Variants in NHSL2 observed in about 807,000 individuals in gnomAD.
NHSL2 encodes the protein NHS-like protein 2.
A neutral mutation model predicts 53.4 loss-of-function variants in NHSL2; 27 were observed. That is an observed-to-expected ratio of 0.51 (90% CI 0.37 to 0.70). The LOEUF (loss-of-function observed/expected upper bound fraction) is 0.70. Among genes scored for constraint, NHSL2 ranks in the 30% least tolerant of loss-of-function variants. NHSL2 has a pLI of 0.00. For missense variants in NHSL2, 892 were observed against 980.1 expected (o/e 0.91, Z 1.20); for synonymous variants, 408 against 404.1 (o/e 1.01, Z -0.12).
chrX:72,141,719 AC>A (rs1372735081), intron 6 of NHSL2, among the ~76,000 whole-genome samples: 2 of 112,103 alleles, frequency 1.8e-5, no homozygotes, highest in Admixed American at 9.4e-5. Context: ...TCTTTTCTGA[AC>A]CCTTAACACC....
Position 72,150,565 on chromosome X carries a change from A to T in NHSL2, c.*6991A>T, listed in dbSNP as rs1471844981. The T allele has an allele frequency of 8.9e-6, 1 of 112,213 alleles. No homozygotes were observed. Among genetic ancestry groups the T allele is most frequent in the African/African-American group, 3.2e-5 (1 of 30,892 alleles). 9.2% of individuals were successfully genotyped at this position (112,213 alleles called of 1,213,427 possible). A position where few individuals can be genotyped will look rare whatever the true frequency, so the allele number is the denominator to read the frequency against. ...TGGGCTCAAATTCCAGCTCCATCTT[A>T]TCAAACAATAACAGAATTCCCTAAT... On this transcript the variant is annotated 3_prime_UTR_variant, in exon 8 of 8. Transcript: ENST00000633930.
At chrX:71,993,314 TATC>T (rs922084236) in intron 1 of NHSL2, among the ~76,000 whole-genome samples, 3 of 112,383 alleles carry the variant, frequency 2.7e-5, no homozygotes, top group African/African-American at 9.7e-5. Flanking sequence ...CGAAAGGCCT[TATC>T]ATCACACAGT....
At chrX:72,124,115 G>A (rs938077362) in intron 1 of NHSL2, among the ~76,000 whole-genome samples, 7 of 110,565 alleles carry the variant, frequency 6.3e-5, no homozygotes, top group African/African-American at 1.7e-4. Context: ...AGTGCTGGCC[G>A]GAGGTGGAGC....
In NHSL2 at chrX:72,139,361, T is replaced by G. The variant is rs140023607; in HGVS notation, c.1813T>G (p.Leu605Val). The change falls in exon 6 of 8, where the codon TTG becomes GTG. Residue 605 changes from leucine (L) to valine (V), a missense_variant. Physicochemically the swap from Leu to Val is conservative, Grantham distance 32. Coordinates refer to ENST00000633930, the MANE Select transcript of NHSL2 (RefSeq NM_001013627.3). ...GAGGCCCAAGAGCCTTTGCCTCTCC[T>G]TGGAACATCAAGGACATCACTCGTC... Reference protein sequence around the residue: ...DQRPKSLCLSLEHQGHHSSHP... With the variant: ...DQRPKSLCLSVEHQGHHSSHP... 85 of 1,208,797 alleles carry G rather than the reference T, an allele frequency of 7.0e-5. No individual in the cohort carries two copies. In the African/African-American group the frequency reaches 1.3e-3, roughly 19 times the overall value.
chrX:71,973,252 GCA>G, intron 1 of NHSL2, among the ~76,000 whole-genome samples: 1 of 112,473 alleles, frequency 8.9e-6, no homozygotes, highest in East Asian at 2.8e-4. Flanking sequence ...TAGTGCATGT[GCA>G]CAGCCTTCCA....
At chrX:72,009,368 A>C (rs751243845) in intron 1 of NHSL2, among the ~76,000 whole-genome samples, 12 of 112,631 alleles carry the variant, frequency 1.1e-4, no homozygotes, top group African/African-American at 3.5e-4. Flanking sequence ...GGTCAAACCT[A>C]ACCCGAAGCC....
chrX:72,050,224 C>T (rs1016516483), intron 1 of NHSL2, among the ~76,000 whole-genome samples: 4 of 111,121 alleles, frequency 3.6e-5, no homozygotes, highest in Admixed American at 9.6e-5. Context: ...GATCCACTTT[C>T]GTGTACTATT....
intron 1 of NHSL2, among the ~76,000 whole-genome samples, chrX:71,950,431 C>T (rs1288348584): frequency 8.9e-6 from 1 of 112,341 alleles, no homozygotes; most frequent in East Asian, 2.8e-4. Flanking sequence ...TGCACTGGGA[C>T]TGGAAAAAAA....
At chrX:71,911,511 T>G in intron 1 of NHSL2, 144 bp downstream of exon 1, 1 of 499,678 alleles carries the variant, frequency 2.0e-6, no homozygotes, top group Non-Finnish European at 2.9e-6. Context: ...GGGGATCCCA[T>G]TTCCCCGACC....
intron 1 of NHSL2, among the ~76,000 whole-genome samples, chrX:71,959,071 C>G (rs147785003): frequency 2.7e-5 from 3 of 112,126 alleles, no homozygotes; most frequent in Admixed American, 9.4e-5. Flanking sequence ...GTTAGGCAAC[C>G]TATTCTCCTT....
intron 1 of NHSL2, among the ~76,000 whole-genome samples, chrX:72,062,461 G>T (rs1039454199): frequency 1.8e-5 from 2 of 112,159 alleles, no homozygotes; most frequent in Non-Finnish European, 3.8e-5. Context: ...AAGCAAACTG[G>T]CAGACTGTTG....
intron 1 of NHSL2, among the ~76,000 whole-genome samples, chrX:72,087,347 G>A (rs1569478921): frequency 8.9e-6 from 1 of 112,118 alleles, no homozygotes; most frequent in South Asian, 3.7e-4. Flanking sequence ...AGTTACCAGG[G>A]CCTAGGAGAG....
intron 1 of NHSL2, among the ~76,000 whole-genome samples, chrX:72,038,362 C>T (rs965205832): frequency 1.8e-5 from 2 of 112,290 alleles, no homozygotes; most frequent in African/African-American, 6.5e-5. Flanking sequence ...TATAAACAGT[C>T]AATTATAAAC....
At position 72,035,400 on chromosome X, in the gene NHSL2, ATTC is replaced by A. The variant is rs781010202; in HGVS notation, c.281-96671_281-96669del. Reference sequence around the variant, plus strand: ...TCTCTCGGATTGATTGTGTTGTTGAATTCTTCTTCTCTTTGATGATTTTCTGTC... The same window carrying A: ...TCTCTCGGATTGATTGTGTTGTTGAATTCTTCTCTTTGATGATTTTCTGTC... On this transcript the variant is annotated intron_variant, in intron 1 of 7. Coordinates refer to ENST00000633930, the MANE Select transcript of NHSL2 (RefSeq NM_001013627.3). Among the ~76,000 whole-genome samples the A allele has an allele frequency of 2.8e-3, 314 of 111,180 alleles. 2 individuals are homozygous for A. The highest frequency in any genetic ancestry group is 9.9e-3 in the African/African-American group (303 of 30,611).
At chrX:71,983,839 G>A (rs193139498) in intron 1 of NHSL2, among the ~76,000 whole-genome samples, 25 of 111,596 alleles carry the variant, frequency 2.2e-4, no homozygotes, top group Non-Finnish European at 3.8e-4. Flanking sequence ...GAGGATGACC[G>A]GAGGTCACTC....
rs1054120027 is a variant in NHSL2 at position 72,067,063 on chromosome X, A to T, written c.281-65016A>T. The stretch of plus-strand genomic sequence containing the variant: ...GAGGCTGAGTTGGGAGGATCACTTG[A>T]GCCCAGGAGGTTGAGGCTTCAGTGA... On this transcript the variant is annotated intron_variant, in intron 1 of 7. Transcript: ENST00000633930. 8.1e-5 allele frequency among the ~76,000 whole-genome samples: 9 copies of T among 111,496 alleles called. No individual in the cohort carries two copies. The Admixed American group carries it at 8.5e-4, about 11-fold the overall frequency.
chrX:71,911,981 G>A (rs2041605939), intron 1 of NHSL2, among the ~76,000 whole-genome samples: 1 of 112,108 alleles, frequency 8.9e-6, no homozygotes, highest in Non-Finnish European at 1.9e-5. Flanking sequence ...CTGTGCTGGG[G>A]AGTGGCCGGG....
intron 1 of NHSL2, among the ~76,000 whole-genome samples, chrX:72,009,730 G>T (rs770653262): frequency 3.6e-5 from 4 of 112,477 alleles, no homozygotes; most frequent in Non-Finnish European, 7.5e-5. Context: ...CCTATCGTTG[G>T]CTCTCCCACT....
intron 1 of NHSL2, among the ~76,000 whole-genome samples, chrX:72,034,073 C>T (rs749482562): frequency 5.4e-5 from 6 of 111,844 alleles, no homozygotes; most frequent in South Asian, 7.4e-4. Context: ...TTCTTTACCA[C>T]GTTGAGGAAG....
Sources: allele counts gnomAD v4.1 joint callset (sites outside exome capture counted in the v4.1 genomes callset), GRCh38; gene constraint gnomAD v4.1.1; transcripts MANE v1.5; gene names NCBI Gene and HGNC (gene_info 2026-07-23, HGNC 2026-07-21).